The following WDR43 variants were observed in gnomAD, a reference collection of about 807,000 sequenced individuals.
The protein encoded by WDR43 is WD repeat domain 43.
WDR43 carries 13 observed loss-of-function variants against 91.4 expected under a neutral mutation model. The ratio of observed to expected loss-of-function variants is 0.14; its 90% CI spans 0.09 to 0.23. The LOEUF is 0.23. Ranked by LOEUF, WDR43 falls within the 10% of genes least tolerant of loss-of-function variation. The pLI, the probability that WDR43 is intolerant of heterozygous loss-of-function variation, is 1.00. For missense variants in WDR43, 780 were observed against 809.4 expected (o/e 0.96, Z 0.44); for synonymous variants, 331 against 287.9 (o/e 1.15, Z -1.51).
chr2:28,915,845 ATGAC>A (rs1369288693), intron 5 of WDR43, among the ~76,000 whole-genome samples: 1 of 152,228 alleles, frequency 6.6e-6, no homozygotes, highest in Non-Finnish European at 1.5e-5. Context: ...GCATACATGA[ATGAC>A]TTCATGTTAG....
intron 3 of WDR43, among the ~76,000 whole-genome samples, chr2:28,909,838 C>T (rs895671252): frequency 6.6e-6 from 1 of 152,190 alleles, no homozygotes; most frequent in Non-Finnish European, 1.5e-5. Flanking sequence ...CTTGCCACTG[C>T]ACTCTGCCTG....
intron 3 of WDR43, among the ~76,000 whole-genome samples, chr2:28,909,252 C>T (rs1170686980): frequency 6.6e-6 from 1 of 152,130 alleles, no homozygotes; most frequent in Non-Finnish European, 1.5e-5. Context: ...GATTCTTCTG[C>T]CTCAGCTTCC....
chr2:28,923,399 G>A (rs1572593975), intron 7 of WDR43, among the ~76,000 whole-genome samples: 3 of 152,234 alleles, frequency 2.0e-5, no homozygotes, highest in Admixed American at 6.5e-5. Context: ...TCAGCAAACC[G>A]GCTTGCAGGC....
intron 16 of WDR43, among the ~76,000 whole-genome samples, chr2:28,944,044 G>T (rs1275771253): frequency 1.3e-5 from 2 of 152,198 alleles, no homozygotes; most frequent in Non-Finnish European, 2.9e-5. Context: ...CTGTGGGGAT[G>T]CCCAGAACTC....
intron 6 of WDR43, among the ~76,000 whole-genome samples, chr2:28,920,306 A>G (rs1462179583): frequency 1.4e-5 from 2 of 145,426 alleles, no homozygotes; most frequent in Non-Finnish European, 3.0e-5. Flanking sequence ...GCTCACTGCA[A>G]TCTCTGCTTC....
intron 2 of WDR43, among the ~76,000 whole-genome samples, chr2:28,905,385 C>T (rs1285466133): frequency 6.6e-6 from 1 of 152,140 alleles, no homozygotes; most frequent in African/African-American, 2.4e-5. Flanking sequence ...AGTGAGTGGG[C>T]ATCTTGCTAT....
chr2:28,938,847 A>G (rs1671383600), intron 14 of WDR43, among the ~76,000 whole-genome samples: 1 of 152,180 alleles, frequency 6.6e-6, no homozygotes, highest in South Asian at 2.1e-4. Flanking sequence ...GAGAGAAACA[A>G]CAGATCTTGG....
intron 1 of WDR43, among the ~76,000 whole-genome samples, chr2:28,898,857 T>A (rs1443008800): frequency 2.0e-5 from 3 of 152,224 alleles, no homozygotes; most frequent in African/African-American, 7.2e-5. Flanking sequence ...ATTACTTTAA[T>A]TGCTGTACAA....
Position 28,894,710 on chromosome 2 carries a change from C to G in WDR43, c.12C>G (p.Gly4=), listed in dbSNP as rs778883356. The G allele has an allele frequency of 1.3e-5, 20 of 1,558,606 alleles. No individual in the cohort carries two copies. The highest frequency in any genetic ancestry group is 2.7e-5 in the African/African-American group (2 of 73,192). Reference sequence around the variant, plus strand: ...GGGCCAGAGCAGCAATGGCGGCGGGCGGCGGCGGTAGCTGCGACCCCCTGG... The same window carrying G: ...GGGCCAGAGCAGCAATGGCGGCGGGGGGCGGCGGTAGCTGCGACCCCCTGG... MAA[G]GGGSCDPLAP... The change falls in exon 1 of 18, where the codon GGC becomes GGG. Residue 4 remains glycine, a synonymous_variant. Transcript: ENST00000407426.
intron 14 of WDR43, among the ~76,000 whole-genome samples, chr2:28,939,454 C>T (rs528904090): frequency 3.5e-4 from 54 of 152,152 alleles, no homozygotes; most frequent in Admixed American, 8.5e-4. Context: ...GCAGAACAGA[C>T]GAAAGAATGG....
At chr2:28,930,358 G>T (rs564588411) in intron 11 of WDR43, among the ~76,000 whole-genome samples, 1 of 152,152 alleles carries the variant, frequency 6.6e-6, no homozygotes, top group Non-Finnish European at 1.5e-5. Context: ...AAAACAGTTC[G>T]ATTCAAGTAC....
intron 2 of WDR43, among the ~76,000 whole-genome samples, chr2:28,903,311 A>C (rs1670613142): frequency 1.3e-5 from 2 of 152,182 alleles, no homozygotes; most frequent in Non-Finnish European, 1.5e-5. Context: ...AGAATTACTA[A>C]CCTAAAATTA....
chr2:28,930,210 TAAA>T (rs1671214963), intron 11 of WDR43: 1 of 417,386 alleles, frequency 2.4e-6, no homozygotes, highest in Non-Finnish European at 5.0e-6. Flanking sequence ...TATGTAGAGG[TAAA>T]AGTACTAGAA....
rs1378944280 is a variant in WDR43 at position 28,925,057 on chromosome 2, A to G, written c.990A>G (p.Pro330=). The change falls in exon 8 of 18, where the codon CCA becomes CCG. Residue 330 remains proline (P), a synonymous_variant. Transcript: ENST00000407426. ...ATPGKGKKST[P]KPIPILAAGF... is the part of the protein sequence containing the mutation. ...CTGGGAAAGGCAAGAAGTCAACACCAAAACCCATCCCTATTCTAGCTGCTG... is the reference window on the plus strand; with the variant it reads ...CTGGGAAAGGCAAGAAGTCAACACCGAAACCCATCCCTATTCTAGCTGCTG... The G allele has an allele frequency of 2.5e-6, 4 of 1,614,018 alleles. No individual in the cohort carries two copies. The highest frequency in any genetic ancestry group is 1.6e-4 in the Middle Eastern group (1 of 6,062).
chr2:28,946,336 T>TA, intron 16 of WDR43, 114 bp from the exon 17 acceptor site: 1 of 1,093,088 alleles, frequency 9.1e-7, no homozygotes, highest in African/African-American at 1.6e-5. Context: ...GGATGATTGC[T>TA]AAATATAAAT....
intron 4 of WDR43, chr2:28,913,700 CACTG>C (rs1670851831): frequency 3.8e-6 from 2 of 525,878 alleles, no homozygotes; most frequent in South Asian, 1.4e-5. Context: ...GGTTTCGACT[CACTG>C]AGAGTAAAAT....
intron 5 of WDR43, among the ~76,000 whole-genome samples, chr2:28,916,645 C>G (rs962786167): frequency 3.3e-5 from 5 of 152,074 alleles, no homozygotes; most frequent in Admixed American, 3.3e-4. Flanking sequence ...ATCCCTGCAC[C>G]CACACGCTTA....
chr2:28,897,749 C>G (rs145548914), intron 1 of WDR43, among the ~76,000 whole-genome samples: 2 of 152,096 alleles, frequency 1.3e-5, no homozygotes, highest in Admixed American at 6.5e-5. Flanking sequence ...TCTTGGGTAA[C>G]GGGTTAAGTT....
At chr2:28,919,007 G>T (rs1670968327) in intron 6 of WDR43, among the ~76,000 whole-genome samples, 1 of 152,134 alleles carries the variant, frequency 6.6e-6, no homozygotes, top group Non-Finnish European at 1.5e-5. Context: ...AAAAATTTTG[G>T]TTTAATGTTT....
Sources: allele counts gnomAD v4.1 joint callset (sites outside exome capture counted in the v4.1 genomes callset), GRCh38; gene constraint gnomAD v4.1.1; transcripts MANE v1.5; gene names NCBI Gene and HGNC (gene_info 2026-07-23, HGNC 2026-07-21).